GRM7: variants seen among roughly 807,000 people sequenced by gnomAD.
GRM7 encodes the protein glutamate metabotropic receptor 7.
GRM7 carries 35 observed loss-of-function variants against 84.5 expected under a neutral mutation model. That is an observed-to-expected ratio of 0.41 (90% CI 0.32 to 0.55). The LOEUF is 0.55. Among genes scored for constraint, GRM7 ranks in the 20% least tolerant of loss-of-function variants. GRM7 has a pLI of 0.19. For synonymous variants in GRM7, 487 were observed against 455.1 expected (o/e 1.07, Z -0.89); for missense variants, 1,003 against 1,194.6 (o/e 0.84, Z 2.36).
At chr3:6,872,856 G>A (rs1197787422) in intron 1 of GRM7, among the ~76,000 whole-genome samples, 1 of 152,046 alleles carries the variant, frequency 6.6e-6, no homozygotes, top group African/African-American at 2.4e-5. Flanking sequence ...CTTTATCCAG[G>A]CTATCATTGA....
chr3:7,578,257 A>G (rs1695058766), intron 7 of GRM7, among the ~76,000 whole-genome samples, 165 bp from the exon 8 acceptor site: 2 of 152,148 alleles, frequency 1.3e-5, no homozygotes, highest in South Asian at 2.1e-4. Context: ...CTGGAATCCT[A>G]TGGTATGGGC....
intron 5 of GRM7, among the ~76,000 whole-genome samples, chr3:7,418,922 A>G (rs1218328170): frequency 6.6e-6 from 1 of 152,186 alleles, no homozygotes; most frequent in Non-Finnish European, 1.5e-5. Flanking sequence ...TTATTTTTGA[A>G]GTGAGAATAG....
intron 7 of GRM7, among the ~76,000 whole-genome samples, chr3:7,546,527 T>C (rs1693160029): frequency 6.6e-6 from 1 of 152,230 alleles, no homozygotes; most frequent in African/African-American, 2.4e-5. Flanking sequence ...GCGTCAAGGC[T>C]GCTATGCCCT....
At chr3:7,453,107 A>G (rs1559333344) in intron 6 of GRM7, among the ~76,000 whole-genome samples, 1 of 151,756 alleles carries the variant, frequency 6.6e-6, no homozygotes, top group African/African-American at 2.4e-5. Context: ...AGGAAGGGAA[A>G]GGAGCAGTTG....
chr3:6,976,232 C>T (rs9883142), intron 1 of GRM7, among the ~76,000 whole-genome samples: 43,978 of 152,030 alleles, frequency 0.29, 6,362 homozygotes, highest in Middle Eastern at 0.39. Context: ...AATTATGATA[C>T]GTAAATGTTT....
At chr3:7,142,481 G>A (rs1408681665) in intron 1 of GRM7, among the ~76,000 whole-genome samples, 1 of 152,048 alleles carries the variant, frequency 6.6e-6, no homozygotes, top group Admixed American at 6.5e-5. Context: ...GAGGAAGAGC[G>A]CCTTATAAAA....
intron 7 of GRM7, among the ~76,000 whole-genome samples, chr3:7,537,801 T>C (rs1654631769): frequency 6.6e-6 from 1 of 152,100 alleles, no homozygotes; most frequent in Non-Finnish European, 1.5e-5. Flanking sequence ...TGCAGATGTA[T>C]ATCTTCAGAT....
intron 3 of GRM7, among the ~76,000 whole-genome samples, chr3:7,303,926 G>T (rs1169088750): frequency 1.6e-5 from 2 of 128,654 alleles, no homozygotes; most frequent in African/African-American, 5.2e-5. Flanking sequence ...AGCATATCCT[G>T]TAGCTTCTTT....
At chr3:7,604,705 C>A (rs936828339) in intron 8 of GRM7, among the ~76,000 whole-genome samples, 3 of 152,094 alleles carry the variant, frequency 2.0e-5, no homozygotes, top group African/African-American at 7.2e-5. Flanking sequence ...CCAATATTTC[C>A]TATTACGTTC....
intron 6 of GRM7, among the ~76,000 whole-genome samples, chr3:7,458,409 G>GT (rs1435297121): frequency 6.6e-6 from 1 of 152,064 alleles, no homozygotes; most frequent in African/African-American, 2.4e-5. Context: ...TTCTTATTCT[G>GT]TTTTAAGAAG....
At chr3:6,978,012 C>A (rs1318540883) in intron 1 of GRM7, among the ~76,000 whole-genome samples, 1 of 152,080 alleles carries the variant, frequency 6.6e-6, no homozygotes, top group Non-Finnish European at 1.5e-5. Context: ...AATCTATGTT[C>A]ATGTCCTAAC....
Position 7,049,105 on chromosome 3 carries a change from C to T in GRM7, c.520-97347C>T, listed in dbSNP as rs144923438. Among the ~76,000 whole-genome samples the T allele has an allele frequency of 3.3e-3, 502 of 152,094 alleles. 3 individuals are homozygous for T. Among genetic ancestry groups the T allele is most frequent in the African/African-American group, 0.011 (465 of 41,540 alleles). On this transcript the variant is annotated intron_variant, in intron 1 of 9. Transcript: ENST00000357716. Reference sequence around the variant, plus strand: ...CACTCATGTCCATTCACTCCTCTCACGTTAGTTCATTAAGCAAATGTTTAT... The same window carrying T: ...CACTCATGTCCATTCACTCCTCTCATGTTAGTTCATTAAGCAAATGTTTAT...
chr3:7,697,717 G>A lies in GRM7; in HGVS notation c.2698+17422G>A, dbSNP rs1007567994. Among the ~76,000 whole-genome samples, 14 of 152,242 alleles carry A rather than the reference G, an allele frequency of 9.2e-5. No homozygotes were observed. The East Asian group carries it at 9.7e-4, about 11-fold the overall frequency. ...TTAAAAGGAGGAGTGAATTATTAGC[G>A]CTACATAGCAGTTCATGGTGCATAT... On this transcript the variant is annotated intron_variant, in intron 9 of 9. Coordinates refer to ENST00000357716, the MANE Select transcript of GRM7 (RefSeq NM_000844.4).
At chr3:7,046,958 GAAAAT>G (rs1389857276) in intron 1 of GRM7, among the ~76,000 whole-genome samples, 1 of 151,910 alleles carries the variant, frequency 6.6e-6, no homozygotes, top group Non-Finnish European at 1.5e-5. Context: ...TGAAGGATAA[GAAAAT>G]AAACACTGAA....
intron 8 of GRM7, among the ~76,000 whole-genome samples, chr3:7,622,775 G>C (rs1037008361): frequency 1.7e-4 from 26 of 152,062 alleles, no homozygotes; most frequent in African/African-American, 4.6e-4. Flanking sequence ...GTTTAGAAGA[G>C]GGATGTAAAG....
chr3:7,181,148 C>T (rs1300517394), intron 2 of GRM7, among the ~76,000 whole-genome samples: 2 of 152,178 alleles, frequency 1.3e-5, no homozygotes, highest in Non-Finnish European at 2.9e-5. Context: ...TCCCAATCTT[C>T]TGTTATATGT....
chr3:7,631,614 T>G (rs2125096798), intron 8 of GRM7, among the ~76,000 whole-genome samples: 1 of 152,232 alleles, frequency 6.6e-6, no homozygotes, highest in African/African-American at 2.4e-5. Context: ...CTTTTTCAAC[T>G]TTTGCACTAT....
Position 7,572,826 on chromosome 3 carries a change from ATATATATAT to A in GRM7, c.1516-5595_1516-5587del, listed in dbSNP as rs1694748262. On this transcript the variant is annotated intron_variant, in intron 7 of 9. Transcript: ENST00000357716. ...GACAGAGTGAGACTCTATCTCAAATATATATATATATATATATATATATATATATATATA... is the reference window on the plus strand; with the variant it reads ...GACAGAGTGAGACTCTATCTCAAATAATATATATATATATATATATATATA... 3.8e-4 allele frequency among the ~76,000 whole-genome samples: 24 copies of A among 62,522 alleles called. 3 individuals carry two copies. Among genetic ancestry groups the A allele is most frequent in the South Asian group, 1.8e-3 (3 of 1,644 alleles). 41.0% of individuals were successfully genotyped at this position (62,522 alleles called of 152,430 possible).
In GRM7 at chr3:7,245,047, G is replaced by A. The variant is rs1387453780; in HGVS notation, c.737-53637G>A. Among the ~76,000 whole-genome samples, 5 of 151,982 alleles carry A rather than the reference G, an allele frequency of 3.3e-5. No homozygotes were observed. In the East Asian group the frequency reaches 9.6e-4, roughly 29 times the overall value. On this transcript the variant is annotated intron_variant, in intron 2 of 9. Transcript: ENST00000357716. ...AATATTTAATGTCATAAATTTATTA[G>A]ATGGGATTAATGGCGTACTGGATAT...
Sources: allele counts gnomAD v4.1 joint callset (sites outside exome capture counted in the v4.1 genomes callset), GRCh38; gene constraint gnomAD v4.1.1; transcripts MANE v1.5; gene names NCBI Gene and HGNC (gene_info 2026-07-23, HGNC 2026-07-21).